Variants in NOX4 observed in about 807,000 individuals in gnomAD.
The protein encoded by NOX4 is NADPH oxidase 4, also known as kidney oxidase-1.
NOX4 carries 69 observed loss-of-function variants against 87.6 expected under a neutral mutation model. The observed-to-expected ratio is 0.79, with a 90% CI of 0.65 to 0.96. NOX4 has a LOEUF of 0.96. Ranked by LOEUF, NOX4 falls within the 40% of genes least tolerant of loss-of-function variation. The pLI is 0.00. For missense variants in NOX4, 680 were observed against 681.5 expected, an observed-to-expected ratio of 1.00 and a Z score of 0.02; for synonymous variants, 275 against 238.2, an observed-to-expected ratio of 1.15 and a Z score of -1.42.
chr11:89,359,585 A>G (rs1460610383), intron 12 of NOX4, among the ~76,000 whole-genome samples: 2 of 152,090 alleles, frequency 1.3e-5, no homozygotes, highest in African/African-American at 4.8e-5. Context: ...ATTCTTGTAT[A>G]ACCTAAAGAT....
intron 11 of NOX4, among the ~76,000 whole-genome samples, chr11:89,377,078 C>T (rs749544054): frequency 2.0e-5 from 3 of 151,752 alleles, no homozygotes; most frequent in South Asian, 2.1e-4. Flanking sequence ...AATAAATACA[C>T]GCATAAAAAA....
intron 7 of NOX4, among the ~76,000 whole-genome samples, chr11:89,430,267 G>C (rs1461502621): frequency 3.3e-5 from 5 of 152,126 alleles, no homozygotes; most frequent in Non-Finnish European, 7.3e-5. Flanking sequence ...GGCAAAAACT[G>C]GAAGCATTCC....
chr11:89,361,329 G>A (rs1591021642), intron 12 of NOX4, among the ~76,000 whole-genome samples: 1 of 152,034 alleles, frequency 6.6e-6, no homozygotes, highest in South Asian at 2.1e-4. Context: ...GGCCATTATT[G>A]TAAGTGAAGT....
In NOX4 at chr11:89,324,643, G is replaced by C. The variant is rs895829099; in HGVS notation, c.*2113C>G. 1 of 152,206 alleles carries C rather than the reference G, an allele frequency of 6.6e-6. No individual in the cohort carries two copies. The highest frequency in any genetic ancestry group is 2.4e-5 in the African/African-American group (1 of 41,526). The allele number at this position is 152,206 out of a possible 1,614,324, so 9.4% of individuals were successfully genotyped here. ...TGAAATTAGGTCTATTAATATGATC[G>C]CATAAATAAATTATGATCAGTATAG... On this transcript the variant is annotated 3_prime_UTR_variant, in exon 18 of 18. Transcript: ENST00000263317.
At chr11:89,574,673 T>C in the NOX4 span, among the ~76,000 whole-genome samples, 1 of 152,230 alleles carries the variant, frequency 6.6e-6, no homozygotes, top group Non-Finnish European at 1.5e-5. Flanking sequence ...CACTTCTAAG[T>C]ACCTGCGTGG....
intron 6 of NOX4, among the ~76,000 whole-genome samples, chr11:89,436,586 T>A (rs975331463): frequency 6.6e-6 from 1 of 152,178 alleles, no homozygotes; most frequent in African/African-American, 2.4e-5. Context: ...AAATGAATAA[T>A]TGCATGACAT....
chr11:89,587,295 C>T, the NOX4 span, among the ~76,000 whole-genome samples: 5 of 152,032 alleles, frequency 3.3e-5, no homozygotes, highest in East Asian at 5.8e-4. Flanking sequence ...ATGGTGATGC[C>T]GCTATATAGG....
chr11:89,451,978 C>G (rs1232585606), intron 2 of NOX4, 83 bp from the exon 3 acceptor site: 2 of 859,594 alleles, frequency 2.3e-6, no homozygotes, highest in Non-Finnish European at 3.9e-6. Context: ...AGGTCTCACC[C>G]TATTGCTCTT....
intron 2 of NOX4, among the ~76,000 whole-genome samples, chr11:89,486,286 A>T (rs1162489641): frequency 1.3e-5 from 2 of 148,294 alleles, no homozygotes; most frequent in African/African-American, 4.9e-5. Flanking sequence ...TAAATAAATA[A>T]ATAAATTTAT....
chr11:89,448,029 T>C (rs981913872), intron 4 of NOX4, among the ~76,000 whole-genome samples: 68 of 152,328 alleles, frequency 4.5e-4, no homozygotes, highest in African/African-American at 1.6e-3. Context: ...AAAATGGCCC[T>C]GCTATCAAAA....
chr11:89,425,096 C>G (rs1461503951), intron 7 of NOX4, among the ~76,000 whole-genome samples: 1 of 152,010 alleles, frequency 6.6e-6, no homozygotes. Flanking sequence ...AACTATACCT[C>G]AAGGATTTTA....
upstream of NOX4, chr11:89,491,679 T>G (rs73537336): frequency 0.045 from 8,877 of 196,154 alleles, 562 homozygotes; most frequent in African/African-American, 0.16. Context: ...GGCAAACATG[T>G]GAACAATGCT....
chr11:89,468,082 C>T (rs192441414), intron 2 of NOX4, among the ~76,000 whole-genome samples: 4 of 152,298 alleles, frequency 2.6e-5, no homozygotes, highest in Non-Finnish European at 4.4e-5. Flanking sequence ...CTAGCTCATA[C>T]TGTACCTCCC....
the NOX4 span, among the ~76,000 whole-genome samples, chr11:89,509,592 C>T: frequency 3.3e-5 from 5 of 151,942 alleles, no homozygotes; most frequent in African/African-American, 1.2e-4. Context: ...TTTAGGAAAG[C>T]CATCATGACC....
chr11:89,328,850 C>T (rs990930127), intron 17 of NOX4, among the ~76,000 whole-genome samples: 1 of 151,900 alleles, frequency 6.6e-6, no homozygotes, highest in Non-Finnish European at 1.5e-5. Context: ...AAAAGAGACA[C>T]CAGGGAAGTG....
chr11:89,505,286 G>A, the NOX4 span, among the ~76,000 whole-genome samples: 1 of 151,948 alleles, frequency 6.6e-6, no homozygotes, highest in Non-Finnish European at 1.5e-5. Flanking sequence ...AGTGGGGAAA[G>A]ACAAGCTAAG....
chr11:89,431,771 A>G (rs1943797269), intron 7 of NOX4, among the ~76,000 whole-genome samples: 1 of 152,218 alleles, frequency 6.6e-6, no homozygotes, highest in South Asian at 2.1e-4. Context: ...AACTAATTCA[A>G]TCATTGTGGA....
chr11:89,387,956 G>T (rs1403304523), intron 11 of NOX4, among the ~76,000 whole-genome samples: 2 of 152,090 alleles, frequency 1.3e-5, no homozygotes, highest in African/African-American at 4.8e-5. Context: ...AATCAATAAA[G>T]GTGTAAAGCA....
chr11:89,469,533 A>C (rs1945838652), intron 2 of NOX4, among the ~76,000 whole-genome samples: 1 of 152,180 alleles, frequency 6.6e-6, no homozygotes, highest in Non-Finnish European at 1.5e-5. Flanking sequence ...AGTGCTTTAG[A>C]ATAAAAAATC....
Sources: allele counts gnomAD v4.1 joint callset (sites outside exome capture counted in the v4.1 genomes callset), GRCh38; gene constraint gnomAD v4.1.1; transcripts MANE v1.5; gene names NCBI Gene and HGNC (gene_info 2026-07-23, HGNC 2026-07-21).